SFTPA2: variants seen among roughly 807,000 people sequenced by gnomAD.
SFTPA2 encodes pulmonary surfactant-associated protein A2.
Under a neutral mutation model 20.3 loss-of-function variants are expected in SFTPA2, and 21 were observed. That is an observed-to-expected ratio of 1.03 (90% CI 0.73 to 1.49). The LOEUF (loss-of-function observed/expected upper bound fraction) is 1.49, where lower values mean the gene tolerates loss of function less well. SFTPA2 is among the 40% of genes most tolerant of loss of function. The pLI is 0.00. For missense variants in SFTPA2, 302 were observed against 314.8 expected, an observed-to-expected ratio of 0.96 and a Z score of 0.31; for synonymous variants, 116 against 118.7, an observed-to-expected ratio of 0.98 and a Z score of 0.15.
Position 79,559,507 on chromosome 10 carries a change from C to G in SFTPA2, c.-23-1G>C. 1 of 1,607,320 alleles carries G rather than the reference C, an allele frequency of 6.2e-7. No homozygotes were observed. The highest frequency in any genetic ancestry group is 8.5e-7 in the Non-Finnish European group (1 of 1,174,658). ...ATGGCTCTGGGTCCAGTCGCTGCTC[C>G]TGCCGGAGGGATGGCCGTGAGCCCA... On this transcript the variant is annotated splice_acceptor_variant, in intron 2 of 5. Transcript: ENST00000372325. LOFTEE classifies it low-confidence loss of function (5UTR_SPLICE).
intron 5 of SFTPA2, 104 bp downstream of exon 5, chr10:79,557,948 G>T: frequency 6.4e-7 from 1 of 1,556,350 alleles, no homozygotes; most frequent in Non-Finnish European, 8.9e-7. Flanking sequence ...CCCAACACCT[G>T]CATGTGCACG....
intron 4 of SFTPA2, among the ~76,000 whole-genome samples, chr10:79,558,592 C>A (rs1399711228): frequency 1.3e-5 from 2 of 152,170 alleles, no homozygotes; most frequent in Non-Finnish European, 2.9e-5. Context: ...GCCTCCATCC[C>A]AGGACATGCC....
In SFTPA2 at chr10:79,557,265, C is replaced by T. The variant is rs1858840326; in HGVS notation, c.691G>A (p.Gly231Arg). 1 of 1,614,050 alleles carries T rather than the reference C, an allele frequency of 6.2e-7. No individual in the cohort carries two copies. The highest frequency in any genetic ancestry group is 8.5e-7 in the Non-Finnish European group (1 of 1,180,016). Residue 231 changes from glycine (G) to arginine (R), a missense_variant, in exon 6 of 6, where the codon GGG (glycine) becomes AGG (arginine). Coordinates refer to ENST00000372325, the MANE Select transcript of SFTPA2 (RefSeq NM_001098668.4). ...AGGCAGTTCCTGTCATTCCACTGCC[C>T]ATCTGTGTACATCTCCACACACTGC... ...KEQCVEMYTD[G>R]QWNDRNCLYS...
Position 79,558,890 on chromosome 10 carries a change from A to T in SFTPA2, c.288T>A (p.Pro96=). ...CACCTGCCCCGCCCTGCTCACCTGG[A>T]GGGCCTCTCTCGCCAGCCTCCCCCT... is the stretch of plus-strand genomic sequence containing the variant. ...GEKGEAGERG[P]PGLPAHLDEE... The change falls in exon 4 of 6, where the codon CCT becomes CCA. Residue 96 remains proline (P), a synonymous_variant. Coordinates refer to ENST00000372325, the MANE Select transcript of SFTPA2 (RefSeq NM_001098668.4). 1 of 1,613,970 alleles carries T rather than the reference A, an allele frequency of 6.2e-7. No individual in the cohort carries two copies. Among genetic ancestry groups the T allele is most frequent in the Non-Finnish European group, 8.5e-7 (1 of 1,179,978 alleles).
chr10:79,558,572 T>A (rs72659396), intron 4 of SFTPA2, among the ~76,000 whole-genome samples: 3,618 of 151,730 alleles, frequency 0.024, 136 homozygotes, highest in African/African-American at 0.075. Context: ...CCCTTCAGAC[T>A]GCCCCCAGGG....
In SFTPA2 at chr10:79,558,901, C is replaced by A. The variant is rs369359980; in HGVS notation, c.277G>T (p.Glu93Ter). ...GERGEKGEAG[E>*]RGPPGLPAHL... is the part of the protein sequence containing the mutation. ...CCCTGCTCACCTGGAGGGCCTCTCT[C>A]GCCAGCCTCCCCCTTCTCTCCACGC... is the stretch of plus-strand genomic sequence containing the variant. The change falls in exon 4 of 6, where the codon GAG (glutamate) becomes TAG (stop). Residue 93 changes from glutamate to a stop codon, truncating the protein, a stop_gained. Coordinates refer to ENST00000372325, the MANE Select transcript of SFTPA2 (RefSeq NM_001098668.4). LOFTEE classifies it high-confidence loss of function. 5 of 1,614,016 alleles carry A rather than the reference C, an allele frequency of 3.1e-6. No homozygotes were observed. The highest frequency in any genetic ancestry group is 4.2e-6 in the Non-Finnish European group (5 of 1,180,030).
chr10:79,557,791 T>C (rs984104622), intron 5 of SFTPA2, among the ~76,000 whole-genome samples: 1 of 152,184 alleles, frequency 6.6e-6, no homozygotes, highest in African/African-American at 2.4e-5. Context: ...CAATTACTTA[T>C]TGCCAGAAAT....
intron 5 of SFTPA2, 139 bp from the exon 6 acceptor site, chr10:79,557,724 T>G (rs1858875183): frequency 1.9e-6 from 2 of 1,075,770 alleles, no homozygotes; most frequent in Admixed American, 2.6e-5. Context: ...CTCTTCCAAT[T>G]GCAGTTTTCT....
rs184203754 is a variant in SFTPA2, at chr10:79,556,947, T to C, written c.*262A>G. 1.7e-6 allele frequency: 1 copy of C among 597,302 alleles called. No homozygotes were observed. Among genetic ancestry groups the C allele is most frequent in the Non-Finnish European group, 2.9e-6 (1 of 344,136 alleles). 37.0% of individuals were successfully genotyped at this position (597,302 alleles called of 1,614,324 possible). On this transcript the variant is annotated 3_prime_UTR_variant, in exon 6 of 6. Coordinates refer to ENST00000372325, the MANE Select transcript of SFTPA2 (RefSeq NM_001098668.4). ...GGGGAATAAGGAGGCCTCCATCTCA[T>C]GCCAAAGGCCAAGGCTAGGAGTGGC...
rs769788688 is a variant in SFTPA2, at chr10:79,558,939, C to G, written c.239G>C (p.Gly80Ala). ...CTTCTCTCCACGCTCTCCAGGGACACCAGGGGCTCCAGGCAGCCCATTATT... is the reference window on the plus strand; with the variant it reads ...CTTCTCTCCACGCTCTCCAGGGACAGCAGGGGCTCCAGGCAGCCCATTATT... ...PGNNGLPGAP[G>A]VPGERGEKGE... The change falls in exon 4 of 6, where the codon GGT becomes GCT. Residue 80 changes from glycine to alanine, a missense_variant. By Grantham distance (60) the Gly-to-Ala change is moderately conservative. Coordinates refer to ENST00000372325, the MANE Select transcript of SFTPA2 (RefSeq NM_001098668.4). The G allele has an allele frequency of 6.2e-7, 1 of 1,614,112 alleles. No individual in the cohort carries two copies. The highest frequency in any genetic ancestry group is 2.2e-5 in the East Asian group (1 of 44,874).
At position 79,557,403 on chromosome 10, in the gene SFTPA2, C is replaced by T; in HGVS notation, c.553G>A (p.Ala185Thr). 6.2e-7 allele frequency: 1 copy of T among 1,614,000 alleles called. No homozygotes were observed. Among genetic ancestry groups the T allele is most frequent in the Non-Finnish European group, 8.5e-7 (1 of 1,179,898 alleles). Residue 185 changes from alanine to threonine, a missense_variant, in exon 6 of 6, where the codon GCC (alanine) becomes ACC (threonine). This residue lies in a region of SFTPA2 where 264 missense variants were observed against 261.7 expected (regional missense o/e 1.01). Transcript: ENST00000372325. ...ASFVKKYNTY[A>T]YVGLTEGPSP... ...GGACCCTCAGTCAGGCCTACATAGG[C>T]ATATGTGTTGTACTTCTTCACGAAG...
intron 4 of SFTPA2, among the ~76,000 whole-genome samples, chr10:79,558,503 C>T (rs1304114246): frequency 6.6e-6 from 1 of 152,048 alleles, no homozygotes; most frequent in Non-Finnish European, 1.5e-5. Flanking sequence ...CTTCAAAGTT[C>T]CCCTCTGTCT....
rs1181608915 is a variant in SFTPA2, at chr10:79,559,432, C to A, written c.52G>T (p.Ala18Ser). Reference protein sequence around the residue: ...LTLILMAASGAACEVKDVCVG... With the variant: ...LTLILMAASGSACEVKDVCVG... ...CAAACGTCCTTCACTTCGCACGCAG[C>A]ACCAGAGGCTGCCATCAAGATGAGG... The change falls in exon 3 of 6, where the codon GCT becomes TCT. Residue 18 changes from alanine to serine, a missense_variant. By Grantham distance (99) the Ala-to-Ser change is moderately conservative. Around this residue, in one of 3 missense-constraint regions of SFTPA2, gnomAD observed 31 missense variants for 29.8 expected, o/e 1.04. Transcript: ENST00000372325. The A allele has an allele frequency of 5.0e-6, 8 of 1,613,670 alleles. No individual in the cohort carries two copies. The highest frequency in any genetic ancestry group is 6.8e-6 in the Non-Finnish European group (8 of 1,179,802).
At position 79,557,389 on chromosome 10, in the gene SFTPA2, C is replaced by T. The variant is rs779036037; in HGVS notation, c.567G>A (p.Leu189=). The change falls in exon 6 of 6, where the codon CTG becomes CTA. Residue 189 remains leucine (L), a synonymous_variant. Coordinates refer to ENST00000372325, the MANE Select transcript of SFTPA2 (RefSeq NM_001098668.4). ...AGTCTCCAGGGCTGGGACCCTCAGT[C>T]AGGCCTACATAGGCATATGTGTTGT... ...KKYNTYAYVG[L]TEGPSPGDFR... 5 of 1,614,044 alleles carry T rather than the reference C, an allele frequency of 3.1e-6. No homozygotes were observed. Among genetic ancestry groups the T allele is most frequent in the East Asian group, 2.2e-5 (1 of 44,878 alleles).
intron 2 of SFTPA2, 75 bp from the exon 3 acceptor site, chr10:79,559,581 G>C (rs546525975): frequency 7.5e-6 from 12 of 1,602,392 alleles, no homozygotes; most frequent in Non-Finnish European, 1.0e-5. Context: ...TCAGGACTCA[G>C]GAAGCTGGGC....
chr10:79,558,877 C>T lies in SFTPA2; in HGVS notation c.292+9G>A, dbSNP rs912470596. On this transcript the variant is annotated intron_variant, in intron 4 of 5. Coordinates refer to ENST00000372325, the MANE Select transcript of SFTPA2 (RefSeq NM_001098668.4). ...TGTTTCCACTGCCCACCTGCCCCGC[C>T]CTGCTCACCTGGAGGGCCTCTCTCG... 1.9e-6 allele frequency: 3 copies of T among 1,614,148 alleles called. No individual in the cohort carries two copies. Among genetic ancestry groups the T allele is most frequent in the Non-Finnish European group, 2.5e-6 (3 of 1,180,026 alleles).
chr10:79,558,966 C>T lies in SFTPA2; in HGVS notation c.212G>A (p.Gly71Glu), dbSNP rs757191021. 6.2e-7 allele frequency: 1 copy of T among 1,614,084 alleles called. No homozygotes were observed. Among genetic ancestry groups the T allele is most frequent in the South Asian group, 1.1e-5 (1 of 91,076 alleles). Residue 71 changes from glycine to glutamate, a missense_variant, in exon 4 of 6, where the codon GGG becomes GAG. Gly to Glu is a moderately conservative substitution (Grantham distance 98). Coordinates refer to ENST00000372325, the MANE Select transcript of SFTPA2 (RefSeq NM_001098668.4). ...GPPGETPCPP[G>E]NNGLPGAPGV... is the part of the protein sequence containing the mutation. ...AGGGGCTCCAGGCAGCCCATTATTC[C>T]CAGGAGGACATGGTGTTTCTCCAGG...
chr10:79,558,389 C>A (rs903200067), intron 4 of SFTPA2, among the ~76,000 whole-genome samples: 1 of 151,832 alleles, frequency 6.6e-6, no homozygotes, highest in Non-Finnish European at 1.5e-5. Context: ...TCGAGGGGTT[C>A]TGTCTGCCCG....
Position 79,559,128 on chromosome 10 carries a change from C to T in SFTPA2, c.173-123G>A, listed in dbSNP as rs1184687347. The stretch of plus-strand genomic sequence containing the variant: ...TATCACTCCGTGGGCACTATGAGGA[C>T]AGACTCTCCAGGATGCGCCATCATA... On this transcript the variant is annotated intron_variant, in intron 3 of 5. Coordinates refer to ENST00000372325, the MANE Select transcript of SFTPA2 (RefSeq NM_001098668.4). 4 of 1,601,260 alleles carry T rather than the reference C, an allele frequency of 2.5e-6. No homozygotes were observed. The African/African-American group carries it at 4.0e-5, about 16-fold the overall frequency.
Sources: allele counts gnomAD v4.1 joint callset (sites outside exome capture counted in the v4.1 genomes callset), GRCh38; gene constraint gnomAD v4.1.1; regional missense constraint gnomAD v4.1.1; transcripts MANE v1.5; gene names NCBI Gene and HGNC (gene_info 2026-07-23, HGNC 2026-07-21).